FAM220A: variants seen among roughly 807,000 people sequenced by gnomAD.
FAM220A encodes protein FAM220A.
For missense variants in FAM220A, 392 were observed against 321.6 expected (o/e 1.22, Z -1.68); for synonymous variants, 141 against 130.7 (o/e 1.08, Z -0.54).
chr7:6,345,913 C>T (rs1781943611), intron 1 of FAM220A, among the ~76,000 whole-genome samples: 1 of 151,878 alleles, frequency 6.6e-6, no homozygotes, highest in African/African-American at 2.4e-5. Flanking sequence ...GGATTACAGG[C>T]GTGCACCATC....
At chr7:6,343,517 A>G (rs567357955) in intron 1 of FAM220A, among the ~76,000 whole-genome samples, 2 of 148,966 alleles carry the variant, frequency 1.3e-5, no homozygotes, top group Admixed American at 6.8e-5. Flanking sequence ...ATGACTTGTT[A>G]AATTATAGCA....
chr7:6,337,931 G>A (rs1241521106), intron 1 of FAM220A, among the ~76,000 whole-genome samples: 3 of 151,544 alleles, frequency 2.0e-5, no homozygotes, highest in Admixed American at 1.3e-4. Flanking sequence ...ACCCTCCCAA[G>A]TAGCTGGTAC....
In FAM220A at chr7:6,331,161, T is replaced by A. The variant is rs1264604220; in HGVS notation, c.-7A>T. On this transcript the variant is annotated 5_prime_UTR_variant, in exon 2 of 2. Transcript: ENST00000313324. ...GCCCTCTTCTGTCCCTCATGCTTCG[T>A]GTTCTTGGATGCGGTGGGCCTGAGG... 6.2e-7 allele frequency: 1 copy of A among 1,606,482 alleles called. No individual in the cohort carries two copies. Among genetic ancestry groups the A allele is most frequent in the Admixed American group, 1.7e-5 (1 of 59,352 alleles).
At chr7:6,345,396 T>A (rs1781934213) in intron 1 of FAM220A, among the ~76,000 whole-genome samples, 1 of 152,098 alleles carries the variant, frequency 6.6e-6, no homozygotes, top group Admixed American at 6.6e-5. Context: ...ATTATAGGCA[T>A]GAGCCACCAC....
rs776969434 is a variant in FAM220A at position 6,329,646 on chromosome 7, G to A, written c.*729C>T. 3 of 162,918 alleles carry A rather than the reference G, an allele frequency of 1.8e-5. No homozygotes were observed. Among genetic ancestry groups the A allele is most frequent in the Non-Finnish European group, 4.4e-5 (3 of 68,096 alleles). The allele number at this position is 162,918 out of a possible 1,614,324, so 10.1% of individuals were successfully genotyped here. On this transcript the variant is annotated 3_prime_UTR_variant, in exon 2 of 2. Coordinates refer to ENST00000313324, the MANE Select transcript of FAM220A (RefSeq NM_001037163.2). ...AGGAGTCACCTTGAAAAATTTTAGG[G>A]TACAGGATACTGCAATTCTTAGAAT...
intron 1 of FAM220A, among the ~76,000 whole-genome samples, chr7:6,347,254 C>T (rs929577026): frequency 6.6e-6 from 1 of 152,170 alleles, no homozygotes; most frequent in African/African-American, 2.4e-5. Context: ...GTGGCTGACG[C>T]CTATAATCCC....
At chr7:6,338,917 C>T (rs1781797680) in intron 1 of FAM220A, among the ~76,000 whole-genome samples, 1 of 152,132 alleles carries the variant, frequency 6.6e-6, no homozygotes, top group African/African-American at 2.4e-5. Context: ...CTGCCGCACG[C>T]AAGGAGAGCT....
chr7:6,338,339 T>C (rs1781785860), intron 1 of FAM220A, among the ~76,000 whole-genome samples: 1 of 152,190 alleles, frequency 6.6e-6, no homozygotes, highest in Non-Finnish European at 1.5e-5. Flanking sequence ...TCAGCTCTTT[T>C]TGGCCTCCTC....
intron 1 of FAM220A, among the ~76,000 whole-genome samples, chr7:6,346,221 A>G (rs1381589323): frequency 2.0e-5 from 3 of 152,102 alleles, no homozygotes; most frequent in African/African-American, 7.2e-5. Flanking sequence ...AGTCCCCTGA[A>G]CTGACACAGG....
intron 1 of FAM220A, among the ~76,000 whole-genome samples, chr7:6,333,252 G>A (rs1486979600): frequency 1.3e-5 from 2 of 152,158 alleles, no homozygotes; most frequent in African/African-American, 4.8e-5. Flanking sequence ...GAGAAAGCAG[G>A]GAGAGTTTAG....
rs1265363632 is a variant in FAM220A, at chr7:6,330,960, C to G, written c.195G>C (p.Met65Ile). 6.2e-7 allele frequency: 1 copy of G among 1,614,254 alleles called. No homozygotes were observed. The highest frequency in any genetic ancestry group is 1.7e-5 in the Admixed American group (1 of 60,022). The change falls in exon 2 of 2, where the codon ATG becomes ATC. Residue 65 changes from methionine (M) to isoleucine (I), a missense_variant. Transcript: ENST00000313324. ...GGCCAGCCCCGCTCGGATCCTTTCT[C>G]ATTTCCAGTGATAATGCCTCACTTT... ...NSQSEALSLE[M>I]RKDPSGAGLW...
Position 6,329,449 on chromosome 7 carries a change from TA to T in FAM220A, c.*925del, listed in dbSNP as rs1781584299. On this transcript the variant is annotated 3_prime_UTR_variant, in exon 2 of 2. Transcript: ENST00000313324. ...ATTTATTAAGCTAAAGAACAAATTT[TA>T]TTTTTCATTTTCCCCAAACACTAAA... The T allele has an allele frequency of 6.6e-6, 1 of 152,582 alleles. No individual in the cohort carries two copies. Among genetic ancestry groups the T allele is most frequent in the Non-Finnish European group, 1.5e-5 (1 of 68,050 alleles). 9.5% of individuals were successfully genotyped at this position (152,582 alleles called of 1,614,324 possible). A position where few individuals can be genotyped will look rare whatever the true frequency, so the allele number is the denominator to read the frequency against.
intron 1 of FAM220A, among the ~76,000 whole-genome samples, chr7:6,338,012 C>T (rs545534294): frequency 6.6e-6 from 1 of 152,012 alleles, no homozygotes; most frequent in Admixed American, 6.6e-5. Flanking sequence ...CCATGTTGGC[C>T]AGGCTGCTCT....
chr7:6,332,240 G>A (rs755566022), intron 1 of FAM220A, among the ~76,000 whole-genome samples: 2 of 151,994 alleles, frequency 1.3e-5, no homozygotes, highest in Non-Finnish European at 2.9e-5. Flanking sequence ...TTGTCTCTGA[G>A]CTGCTTTACA....
At chr7:6,333,291 G>C (rs913425388) in intron 1 of FAM220A, among the ~76,000 whole-genome samples, 2 of 152,130 alleles carry the variant, frequency 1.3e-5, no homozygotes, top group African/African-American at 2.4e-5. Flanking sequence ...ATGTCACAGG[G>C]AGCCGGTGAT....
rs376937114 is a variant in FAM220A at position 6,344,525 on chromosome 7, T to G, written c.-82+4048A>C. 4.6e-5 allele frequency among the ~76,000 whole-genome samples: 7 copies of G among 152,068 alleles called. No individual in the cohort carries two copies. The East Asian group carries it at 1.4e-3, about 30-fold the overall frequency. On this transcript the variant is annotated intron_variant, in intron 1 of 1. Transcript: ENST00000313324. ...GCCTCCTCGACCTTCTGGCCTCAAG[T>G]GATCCACCTCAGTCTCCCAAGTAGC...
chr7:6,333,662 C>T (rs768747530), intron 1 of FAM220A, among the ~76,000 whole-genome samples: 1 of 145,290 alleles, frequency 6.9e-6, no homozygotes, highest in African/African-American at 2.5e-5. Flanking sequence ...CCACACCTGG[C>T]AAATTTTTTT....
chr7:6,332,768 G>T (rs115328440), intron 1 of FAM220A, among the ~76,000 whole-genome samples: 11 of 152,164 alleles, frequency 7.2e-5, no homozygotes, highest in Non-Finnish European at 1.5e-5. Flanking sequence ...AGTGGCTGAC[G>T]GGGATGGAGA....
Position 6,334,658 on chromosome 7 carries a change from G to A in FAM220A, c.-81-3423C>T, listed in dbSNP as rs1303098349. ...ATTTTTTATATTTTGGTAGAGATGG[G>A]GTTCCACGAGTTGCCCAGGCTGGTC... is the stretch of plus-strand genomic sequence containing the variant. On this transcript the variant is annotated intron_variant, in intron 1 of 1. Coordinates refer to ENST00000313324, the MANE Select transcript of FAM220A (RefSeq NM_001037163.2). Among the ~76,000 whole-genome samples the A allele has an allele frequency of 2.6e-5, 4 of 151,922 alleles. No individual in the cohort carries two copies. In the South Asian group the frequency reaches 6.2e-4, roughly 24 times the overall value.
Sources: allele counts gnomAD v4.1 joint callset (sites outside exome capture counted in the v4.1 genomes callset), GRCh38; gene constraint gnomAD v4.1.1; transcripts MANE v1.5; gene names NCBI Gene and HGNC (gene_info 2026-07-23, HGNC 2026-07-21).